Variants in PANX1 observed in about 807,000 individuals in gnomAD.
PANX1 encodes pannexin 1, also known as pannexin-1.
In PANX1, 30 loss-of-function variants were observed where a neutral mutation model predicts 38.7. The observed-to-expected ratio is 0.78, with a 90% CI of 0.58 to 1.05. The LOEUF (loss-of-function observed/expected upper bound fraction) is 1.05, where lower values mean the gene tolerates loss of function less well. Ranked by LOEUF, PANX1 falls within the 50% of genes least tolerant of loss-of-function variation. The pLI is 0.00. For missense variants in PANX1, 551 were observed against 517.2 expected (o/e 1.07, Z -0.63); for synonymous variants, 230 against 212.2 (o/e 1.08, Z -0.73).
chr11:94,168,532 A>G (rs1196733140), intron 2 of PANX1, among the ~76,000 whole-genome samples: 1 of 151,426 alleles, frequency 6.6e-6, no homozygotes, highest in Non-Finnish European at 1.5e-5. Flanking sequence ...GAAGGCAAAG[A>G]GCAAACAAAA....
At chr11:94,143,017 C>T (rs1047234528) in intron 1 of PANX1, among the ~76,000 whole-genome samples, 1 of 152,228 alleles carries the variant, frequency 6.6e-6, no homozygotes. Context: ...ATTTAGAATG[C>T]CCTTGTTTGC....
intron 2 of PANX1, among the ~76,000 whole-genome samples, chr11:94,174,912 G>A (rs1947214834): frequency 6.6e-6 from 1 of 151,722 alleles, no homozygotes; most frequent in Non-Finnish European, 1.5e-5. Flanking sequence ...TCCAGAAACA[G>A]CACACATTTT....
intron 1 of PANX1, among the ~76,000 whole-genome samples, chr11:94,148,371 T>TG (rs1166975675): frequency 6.6e-6 from 1 of 152,218 alleles, no homozygotes; most frequent in Non-Finnish European, 1.5e-5. Context: ...CTATAAGTAT[T>TG]GGGCAAGAAT....
At chr11:94,130,038 G>C (rs1946608869) in intron 1 of PANX1, among the ~76,000 whole-genome samples, 1 of 152,198 alleles carries the variant, frequency 6.6e-6, no homozygotes, top group South Asian at 2.1e-4. Flanking sequence ...TCCTCAACTT[G>C]GACGGTCTTA....
intron 1 of PANX1, among the ~76,000 whole-genome samples, chr11:94,130,072 C>T (rs977259849): frequency 1.3e-5 from 2 of 152,340 alleles, no homozygotes; most frequent in Admixed American, 6.5e-5. Context: ...AACAAGTCCC[C>T]TTCCTGTAAA....
intron 1 of PANX1, among the ~76,000 whole-genome samples, chr11:94,146,464 T>G (rs1000927241): frequency 3.3e-5 from 5 of 152,186 alleles, no homozygotes; most frequent in African/African-American, 1.2e-4. Context: ...CACTTATCAT[T>G]GCACAGGGGG....
intron 2 of PANX1, among the ~76,000 whole-genome samples, chr11:94,159,283 G>A (rs967284226): frequency 3.3e-5 from 5 of 152,136 alleles, no homozygotes; most frequent in African/African-American, 4.8e-5. Flanking sequence ...AGTTAGGGAG[G>A]ATTCCCTCTT....
intron 2 of PANX1, among the ~76,000 whole-genome samples, chr11:94,176,390 A>G (rs1947232889): frequency 6.6e-6 from 1 of 151,666 alleles, no homozygotes; most frequent in Admixed American, 6.6e-5. Context: ...TGCAGTGAGT[A>G]CCCTGGATTG....
chr11:94,140,904 A>G (rs1225541687), intron 1 of PANX1, among the ~76,000 whole-genome samples: 2 of 152,214 alleles, frequency 1.3e-5, no homozygotes, highest in Non-Finnish European at 2.9e-5. Flanking sequence ...TAATAAGAAT[A>G]GCATTATTTT....
chr11:94,159,387 T>A (rs1439253220), intron 2 of PANX1, among the ~76,000 whole-genome samples: 1 of 152,148 alleles, frequency 6.6e-6, no homozygotes, highest in Non-Finnish European at 1.5e-5. Context: ...GGTCCTGGAC[T>A]TTTTTTGGTT....
At chr11:94,164,761 A>G (rs534731628) in intron 2 of PANX1, among the ~76,000 whole-genome samples, 1 of 152,164 alleles carries the variant, frequency 6.6e-6, no homozygotes, top group Non-Finnish European at 1.5e-5. Context: ...TCTGCTCAAT[A>G]CTGAAAGTCG....
chr11:94,180,291 C>T, intron 4 of PANX1, 34 bp downstream of exon 4: 1 of 1,515,812 alleles, frequency 6.6e-7, no homozygotes, highest in African/African-American at 1.4e-5. Context: ...CTACGGGAGT[C>T]TACCGAGAGC....
At chr11:94,155,958 C>T (rs76081051) in intron 2 of PANX1, among the ~76,000 whole-genome samples, 5,185 of 152,214 alleles carry the variant, frequency 0.034, 304 homozygotes, top group African/African-American at 0.12. Context: ...CTTTGTAAAT[C>T]CAAATTTTTA....
At chr11:94,174,395 G>A (rs891476351) in intron 2 of PANX1, among the ~76,000 whole-genome samples, 32 of 151,384 alleles carry the variant, frequency 2.1e-4, no homozygotes, top group African/African-American at 6.9e-4. Context: ...GCAGAGGAAA[G>A]AGGATTCCAA....
intron 2 of PANX1, among the ~76,000 whole-genome samples, chr11:94,170,040 C>A (rs1179686599): frequency 6.6e-6 from 1 of 151,678 alleles, no homozygotes; most frequent in Non-Finnish European, 1.5e-5. Context: ...TCAAGTTTTT[C>A]TTTTTCTTTT....
intron 2 of PANX1, among the ~76,000 whole-genome samples, chr11:94,173,067 C>T (rs1345520472): frequency 6.6e-6 from 1 of 151,740 alleles, no homozygotes; most frequent in Non-Finnish European, 1.5e-5. Flanking sequence ...ACTCTTGACT[C>T]CCGCTGTCTA....
intron 2 of PANX1, among the ~76,000 whole-genome samples, chr11:94,176,263 A>G (rs965125831): frequency 2.6e-5 from 4 of 151,630 alleles, no homozygotes; most frequent in African/African-American, 7.3e-5. Context: ...GTAACTGTAT[A>G]TCAGTGCTCT....
chr11:94,153,364 C>A, intron 1 of PANX1, 127 bp from the exon 2 acceptor site: 2 of 900,324 alleles, frequency 2.2e-6, no homozygotes, highest in Non-Finnish European at 3.4e-6. Context: ...GTTTTTAGTT[C>A]TGTCCTAATG....
intron 1 of PANX1, among the ~76,000 whole-genome samples, chr11:94,136,692 C>T (rs372923152): frequency 3.0e-4 from 46 of 151,896 alleles, no homozygotes; most frequent in Non-Finnish European, 2.2e-4. Flanking sequence ...GGCGTGAACC[C>T]GGGAGGCGGA....
Sources: gnomAD v4.1 joint callset for allele counts (sites outside exome capture counted in the v4.1 genomes callset) on GRCh38, gnomAD v4.1.1 for gene constraint, MANE v1.5 for transcripts, NCBI Gene and HGNC (gene_info 2026-07-23, HGNC 2026-07-21) for gene names.